MYL4: variants seen among roughly 807,000 people sequenced by gnomAD.
The protein encoded by MYL4 is myosin light chain 4, also known as atrial myosin light chain 1.
In MYL4, 16 loss-of-function variants were observed where a neutral mutation model predicts 21.6. The ratio of observed to expected loss-of-function variants is 0.74; its 90% CI spans 0.50 to 1.12. The LOEUF is 1.12. Ranked by LOEUF, MYL4 falls within the 50% of genes most tolerant of loss-of-function variation. The probability of loss-of-function intolerance (pLI) is 0.00; values close to 1 mark genes in which losing one functional copy is unlikely to be tolerated. For synonymous variants in MYL4, 82 were observed against 95.7 expected (o/e 0.86, Z 0.83); for missense variants, 249 against 252.9 (o/e 0.98, Z 0.11).
At chr17:47,225,510 A>G (rs1183474830), downstream of MYL4, among the ~76,000 whole-genome samples, 2 of 152,188 alleles carry the variant, frequency 1.3e-5, no homozygotes, top group African/African-American at 4.8e-5. Flanking sequence ...TGGAGCCTCT[A>G]ACTAGGCTCC....
At chr17:47,207,873 C>T (rs534608668), upstream of MYL4, among the ~76,000 whole-genome samples, 2 of 152,248 alleles carry the variant, frequency 1.3e-5, no homozygotes, top group Middle Eastern at 3.4e-3. Context: ...ACCCTTACCC[C>T]CTAGGTCCCC....
chr17:47,199,061 C>T (rs547468377), upstream of MYL4, among the ~76,000 whole-genome samples: 26 of 148,114 alleles, frequency 1.8e-4, no homozygotes, highest in South Asian at 5.3e-3. Flanking sequence ...GGTGAAACCC[C>T]GTCTTTACTA....
At position 47,209,540 on chromosome 17, in the gene MYL4, G is replaced by C; in HGVS notation, c.118G>C (p.Asp40His). The C allele has an allele frequency of 1.9e-6, 3 of 1,614,230 alleles. No individual in the cohort carries two copies. Among genetic ancestry groups the C allele is most frequent in the Non-Finnish European group, 1.7e-6 (2 of 1,180,038 alleles). The change falls in exon 1 of 7, where the codon GAC (aspartate) becomes CAC (histidine). Residue 40 changes from aspartate (D) to histidine (H), a missense_variant. Transcript: ENST00000393450. ...APEAPKEPAF[D>H]PKSVKIDFTA... is the part of the protein sequence containing the mutation. ...TGAGGCTCCCAAGGAACCTGCCTTTGACCCCAAGAGTGTAAAGGTAAGTGA... is the reference window on the plus strand; with the variant it reads ...TGAGGCTCCCAAGGAACCTGCCTTTCACCCCAAGAGTGTAAAGGTAAGTGA...
chr17:47,203,109 C>A (rs1010040311), intron 1 of MYL4, among the ~76,000 whole-genome samples: 2 of 152,110 alleles, frequency 1.3e-5, no homozygotes, highest in African/African-American at 2.4e-5. Flanking sequence ...CACTGCCATG[C>A]CCAGCTGATT....
At chr17:47,223,275 G>C in intron 6 of MYL4, 2 of 550,130 alleles carry the variant, frequency 3.6e-6, no homozygotes, top group Non-Finnish European at 6.4e-6. Flanking sequence ...ACATCCTCTT[G>C]CCTCTCCCAG....
intron 2 of MYL4, among the ~76,000 whole-genome samples, chr17:47,218,041 C>CA (rs1200148257): frequency 0.016 from 975 of 61,432 alleles, 11 homozygotes; most frequent in African/African-American, 0.035. Flanking sequence ...AACTCCATCT[C>CA]AAAAAAAAAA....
intron 2 of MYL4, among the ~76,000 whole-genome samples, chr17:47,218,427 A>G (rs2064830972): frequency 6.6e-6 from 1 of 152,180 alleles, no homozygotes; most frequent in African/African-American, 2.4e-5. Context: ...TGGGTAGCAT[A>G]AGGTAACTTA....
At chr17:47,215,772 A>G (rs1022294691) in intron 2 of MYL4, among the ~76,000 whole-genome samples, 1 of 152,048 alleles carries the variant, frequency 6.6e-6, no homozygotes, top group East Asian at 1.9e-4. Flanking sequence ...ATATGCCTCA[A>G]TTTATTTTAT....
upstream of MYL4, among the ~76,000 whole-genome samples, chr17:47,197,333 C>G (rs192112182): frequency 4.6e-4 from 70 of 152,190 alleles, no homozygotes; most frequent in Middle Eastern, 3.4e-3. Flanking sequence ...CTCCTGACTT[C>G]GTGATCTGCC....
intron 4 of MYL4, 43 bp from the exon 5 acceptor site, chr17:47,222,337 C>T (rs750267661): frequency 6.3e-7 from 1 of 1,583,540 alleles, no homozygotes; most frequent in Non-Finnish European, 8.7e-7. Context: ...TCCTCCTTTG[C>T]CATCTGTAAT....
intron 1 of MYL4, among the ~76,000 whole-genome samples, chr17:47,211,389 T>C (rs1425057451): frequency 6.6e-6 from 1 of 152,016 alleles, no homozygotes; most frequent in Non-Finnish European, 1.5e-5. Context: ...TCTCTACAAA[T>C]AAATAAATAA....
chr17:47,209,847 C>A, intron 1 of MYL4: 2 of 541,496 alleles, frequency 3.7e-6, no homozygotes, highest in South Asian at 2.0e-5. Flanking sequence ...AACCAACCAT[C>A]CATCCACCCT....
intron 1 of MYL4, among the ~76,000 whole-genome samples, chr17:47,202,914 G>C (rs1253632925): frequency 6.6e-6 from 1 of 152,140 alleles, no homozygotes; most frequent in Admixed American, 6.5e-5. Context: ...AGATAAGTCA[G>C]AGATGTTTTC....
At chr17:47,209,641 T>G in intron 1 of MYL4, 84 bp downstream of exon 1, 1 of 1,603,852 alleles carries the variant, frequency 6.2e-7, no homozygotes, top group Non-Finnish European at 8.5e-7. Context: ...CTACTTTATG[T>G]GGGCTGGACT....
downstream of MYL4, among the ~76,000 whole-genome samples, chr17:47,224,226 G>C (rs571722429): frequency 6.6e-6 from 1 of 152,252 alleles, no homozygotes; most frequent in South Asian, 2.1e-4. Context: ...GTTCCACATG[G>C]CTGGGGAGGC....
intron 1 of MYL4, among the ~76,000 whole-genome samples, chr17:47,210,035 C>T (rs926331576): frequency 6.6e-6 from 1 of 152,122 alleles, no homozygotes; most frequent in Non-Finnish European, 1.5e-5. Flanking sequence ...TTGGGAAAGG[C>T]TTCACTCACA....
chr17:47,207,097 G>A (rs2064731260), upstream of MYL4, among the ~76,000 whole-genome samples: 1 of 152,158 alleles, frequency 6.6e-6, no homozygotes, highest in Non-Finnish European at 1.5e-5. Context: ...AAGATGAGGG[G>A]AGGAGGTGAG....
chr17:47,222,278 A>T, intron 4 of MYL4, 102 bp from the exon 5 acceptor site: 1 of 1,140,570 alleles, frequency 8.8e-7, no homozygotes, highest in Non-Finnish European at 1.3e-6. Context: ...TCCCAGATCC[A>T]GGCAGTCTTG....
At chr17:47,201,021 A>AGT (rs2064707360) in intron 1 of MYL4, among the ~76,000 whole-genome samples, 1 of 152,066 alleles carries the variant, frequency 6.6e-6, no homozygotes, top group Admixed American at 6.5e-5. Flanking sequence ...AAAATACAAA[A>AGT]ATTAGCTGGG....
Sources: gnomAD v4.1 joint callset for allele counts (sites outside exome capture counted in the v4.1 genomes callset) on GRCh38, gnomAD v4.1.1 for gene constraint, MANE v1.5 for transcripts, NCBI Gene and HGNC (gene_info 2026-07-23, HGNC 2026-07-21) for gene names.